The following CCAR1 variants were observed in gnomAD, a reference collection of about 807,000 sequenced individuals.
The protein encoded by CCAR1 is cell division cycle and apoptosis regulator protein 1.
In CCAR1, 78 loss-of-function variants were observed where a neutral mutation model predicts 163.8. The ratio of observed to expected loss-of-function variants is 0.48; its 90% CI spans 0.40 to 0.57. The LOEUF (loss-of-function observed/expected upper bound fraction) is 0.57. CCAR1 is among the 20% of genes least tolerant of loss of function. CCAR1 has a pLI of 0.00. For missense variants in CCAR1, 1,019 were observed against 1,365.2 expected (o/e 0.75, Z 4.00); for synonymous variants, 443 against 460.7 (o/e 0.96, Z 0.49).
At position 68,779,467 on chromosome 10, in the gene CCAR1, C is replaced by T. The variant is rs529209630; in HGVS notation, c.2650+6368C>T. Among the ~76,000 whole-genome samples, 14 of 152,046 alleles carry T rather than the reference C, an allele frequency of 9.2e-5. No homozygotes were observed. The South Asian group carries it at 2.7e-3, about 29-fold the overall frequency. ...AGAGACAGGGTTTCACCATGTTGGCCAGGCTGGTCTCGAACTCCCGACCTC... is the reference window on the plus strand; with the variant it reads ...AGAGACAGGGTTTCACCATGTTGGCTAGGCTGGTCTCGAACTCCCGACCTC... On this transcript the variant is annotated intron_variant, in intron 19 of 24. Coordinates refer to ENST00000265872, the MANE Select transcript of CCAR1 (RefSeq NM_018237.4).
chr10:68,755,449 C>T lies in CCAR1; in HGVS notation c.1538C>T (p.Pro513Leu). Residue 513 changes from proline (P) to leucine (L), a missense_variant, in exon 13 of 25, where the codon CCA becomes CTA. Transcript: ENST00000265872. Reference protein sequence around the residue: ...HWSPSLDGPDPEKDPSVLIKT... With the variant: ...HWSPSLDGPDLEKDPSVLIKT... Reference sequence around the variant, plus strand: ...TCTCCTTCGTTGGATGGACCAGACCCAGAAAAAGATCCCTCTGTGTTGATT... The same window carrying T: ...TCTCCTTCGTTGGATGGACCAGACCTAGAAAAAGATCCCTCTGTGTTGATT... The T allele has an allele frequency of 2.5e-6, 4 of 1,614,134 alleles. No homozygotes were observed. The highest frequency in any genetic ancestry group is 1.1e-5 in the South Asian group (1 of 91,082).
chr10:68,739,270 C>T (rs1464731865), intron 4 of CCAR1, among the ~76,000 whole-genome samples: 1 of 152,152 alleles, frequency 6.6e-6, no homozygotes, highest in Non-Finnish European at 1.5e-5. Flanking sequence ...CTGCCTCAGC[C>T]TCCTGAGTAG....
At chr10:68,747,712 T>C (rs1015444305) in intron 8 of CCAR1, 146 bp downstream of exon 8, 9 of 600,122 alleles carry the variant, frequency 1.5e-5, no homozygotes, top group Non-Finnish European at 2.5e-5. Context: ...TCCATAGCTA[T>C]GTGGAAGTAT....
In CCAR1 at chr10:68,786,351, G is replaced by A. The variant is rs536252969; in HGVS notation, c.2733+133G>A. On this transcript the variant is annotated intron_variant, in intron 20 of 24. Transcript: ENST00000265872. Reference sequence around the variant, plus strand: ...GTAAAATTCTGTCAGTTGTTTTTTTGTGGCTATGTCAGATAACTAGTATGT... The same window carrying A: ...GTAAAATTCTGTCAGTTGTTTTTTTATGGCTATGTCAGATAACTAGTATGT... 145 of 771,938 alleles carry A rather than the reference G, an allele frequency of 1.9e-4. 2 individuals carry two copies. In the Admixed American group the frequency reaches 3.9e-3, roughly 21 times the overall value. The allele number at this position is 771,938 out of a possible 1,614,324, so 47.8% of individuals were successfully genotyped here. A position where few individuals can be genotyped will look rare whatever the true frequency, so the allele number is the denominator to read the frequency against.
intron 19 of CCAR1, among the ~76,000 whole-genome samples, chr10:68,782,982 G>T (rs2056754138): frequency 6.7e-6 from 1 of 148,466 alleles, no homozygotes. Context: ...TTGGATCAGA[G>T]AGTAATTTCA....
At chr10:68,775,241 G>A (rs927104229) in intron 19 of CCAR1, among the ~76,000 whole-genome samples, 3 of 151,988 alleles carry the variant, frequency 2.0e-5, no homozygotes, top group African/African-American at 7.3e-5. Context: ...AGAAAATAAG[G>A]TCGTAATAGC....
intron 2 of CCAR1, among the ~76,000 whole-genome samples, chr10:68,723,366 C>T (rs2055889247): frequency 6.7e-6 from 1 of 149,928 alleles, no homozygotes; most frequent in Non-Finnish European, 1.5e-5. Flanking sequence ...CCTGACCTTG[C>T]GATATGCCCG....
chr10:68,734,702 T>G (rs2056084729), intron 2 of CCAR1, among the ~76,000 whole-genome samples: 1 of 152,156 alleles, frequency 6.6e-6, no homozygotes, highest in Non-Finnish European at 1.5e-5. Flanking sequence ...TTCCTGCGTT[T>G]AATTCAGTTT....
intron 19 of CCAR1, among the ~76,000 whole-genome samples, chr10:68,774,650 T>A (rs2056641763): frequency 6.6e-6 from 1 of 151,926 alleles, no homozygotes; most frequent in Non-Finnish European, 1.5e-5. Flanking sequence ...AAAAACTAAT[T>A]TGGGCATTTT....
chr10:68,755,887 C>T (rs558799863), intron 13 of CCAR1, among the ~76,000 whole-genome samples: 7 of 152,172 alleles, frequency 4.6e-5, no homozygotes, highest in South Asian at 2.1e-4. Context: ...GATGTAGTTG[C>T]GATTATTTTT....
At position 68,749,166 on chromosome 10, in the gene CCAR1, T is replaced by C; in HGVS notation, c.857T>C (p.Val286Ala). 6.2e-7 allele frequency: 1 copy of C among 1,614,056 alleles called. No homozygotes were observed. The highest frequency in any genetic ancestry group is 8.5e-7 in the Non-Finnish European group (1 of 1,179,984). ...AGLLQPPVRI[V>A]SQPQPARRLD... ...TTATTGCAGCCTCCTGTTCGTATAG[T>C]TTCACAGCCACAACCGGCACGACGA... The change falls in exon 9 of 25, where the codon GTT becomes GCT. Residue 286 changes from valine (V) to alanine (A), a missense_variant. Transcript: ENST00000265872.
chr10:68,779,946 A>T (rs576021127), intron 19 of CCAR1, among the ~76,000 whole-genome samples: 2 of 152,174 alleles, frequency 1.3e-5, no homozygotes, highest in Admixed American at 6.6e-5. Flanking sequence ...TTTAGTGTTG[A>T]TAAGTGTGTA....
chr10:68,754,847 T>C lies in CCAR1; in HGVS notation c.1458+20T>C, dbSNP rs781660507. 2 of 1,340,476 alleles carry C rather than the reference T, an allele frequency of 1.5e-6. No individual in the cohort carries two copies. The highest frequency in any genetic ancestry group is 1.4e-5 in the African/African-American group (1 of 69,550). 83.0% of individuals were successfully genotyped at this position (1,340,476 alleles called of 1,614,324 possible). ...GTTAAGGTAAAAGGACACATTTGTT[T>C]TAACTTTAGATGTATTCACTTTGCT... On this transcript the variant is annotated intron_variant, in intron 12 of 24. Transcript: ENST00000265872.
At chr10:68,723,315 G>C (rs2055888127) in intron 2 of CCAR1, among the ~76,000 whole-genome samples, 1 of 146,976 alleles carries the variant, frequency 6.8e-6, no homozygotes, top group Non-Finnish European at 1.5e-5. Context: ...ATTTTTAGTA[G>C]AGACGGGGTT....
At chr10:68,725,066 G>T (rs1011082882) in intron 2 of CCAR1, among the ~76,000 whole-genome samples, 1 of 152,102 alleles carries the variant, frequency 6.6e-6, no homozygotes, top group Non-Finnish European at 1.5e-5. Context: ...TGAACCCGGC[G>T]GAGGTTGCGG....
At chr10:68,777,337 T>G (rs760601747) in intron 19 of CCAR1, among the ~76,000 whole-genome samples, 1 of 152,182 alleles carries the variant, frequency 6.6e-6, no homozygotes. Flanking sequence ...ATTTCATTCT[T>G]TTGTTCAAAT....
intron 19 of CCAR1, among the ~76,000 whole-genome samples, chr10:68,783,949 G>C (rs143930177): frequency 6.6e-6 from 1 of 151,200 alleles, no homozygotes; most frequent in African/African-American, 2.4e-5. Context: ...TAGTAGAGAC[G>C]GGGTTTCACC....
chr10:68,739,897 TA>T (rs1468482726), intron 4 of CCAR1, among the ~76,000 whole-genome samples: 1 of 152,244 alleles, frequency 6.6e-6, no homozygotes, highest in Admixed American at 6.6e-5. Context: ...TACCTTAGCC[TA>T]AGTCAAATTT....
At chr10:68,771,907 A>C (rs1209865311) in intron 18 of CCAR1, among the ~76,000 whole-genome samples, 1 of 151,568 alleles carries the variant, frequency 6.6e-6, no homozygotes, top group Non-Finnish European at 1.5e-5. Context: ...TGCTCTGTTG[A>C]CCAGGCTTGC....
Sources: allele counts gnomAD v4.1 joint callset (sites outside exome capture counted in the v4.1 genomes callset), GRCh38; gene constraint gnomAD v4.1.1; transcripts MANE v1.5; gene names NCBI Gene and HGNC (gene_info 2026-07-23, HGNC 2026-07-21).